SAMMSON: variants seen among roughly 807,000 people sequenced by gnomAD.
The protein encoded by SAMMSON is long intergenic non-protein coding RNA 1212.
chr3:70,374,383 G>A (rs978284482), intron 9 of SAMMSON, among the ~76,000 whole-genome samples: 19 of 152,202 alleles, frequency 1.2e-4, no homozygotes, highest in South Asian at 2.1e-4. Flanking sequence ...ACGATGAGTC[G>A]TCTTTAAACC....
chr3:70,156,676 G>C (rs987966424), intron 4 of SAMMSON, among the ~76,000 whole-genome samples: 3 of 152,108 alleles, frequency 2.0e-5, no homozygotes, highest in African/African-American at 7.2e-5. Flanking sequence ...GTTACTTCCT[G>C]TGATAAAGAC....
At chr3:70,080,670 T>C (rs2067264666) in intron 4 of SAMMSON, among the ~76,000 whole-genome samples, 1 of 151,912 alleles carries the variant, frequency 6.6e-6, no homozygotes, top group Non-Finnish European at 1.5e-5. Context: ...TTACTCTACA[T>C]AATTCTCCAA....
chr3:70,104,206 A>G (rs2067356738), intron 4 of SAMMSON, among the ~76,000 whole-genome samples: 1 of 151,978 alleles, frequency 6.6e-6, no homozygotes, highest in African/African-American at 2.4e-5. Flanking sequence ...CAGGACTTTT[A>G]TATTTGTTAA....
chr3:70,395,353 T>G (rs1237558835), intron 2 of SAMMSON, among the ~76,000 whole-genome samples: 3 of 147,062 alleles, frequency 2.0e-5, no homozygotes, highest in Admixed American at 6.8e-5. Flanking sequence ...TTTTTTTGTG[T>G]TGTTGTTGTT....
At chr3:70,005,112 C>T (rs2066921235) in intron 1 of SAMMSON, among the ~76,000 whole-genome samples, 1 of 152,122 alleles carries the variant, frequency 6.6e-6, no homozygotes, top group South Asian at 2.1e-4. Flanking sequence ...GTTGAAATTT[C>T]ATTGAAGGGA....
chr3:70,052,683 A>T (rs562326438), intron 3 of SAMMSON, among the ~76,000 whole-genome samples: 1 of 152,082 alleles, frequency 6.6e-6, no homozygotes, highest in East Asian at 1.9e-4. Flanking sequence ...CATGATTGAC[A>T]TGTTGGGCTG....
At chr3:70,259,988 A>G (rs537565550) in intron 6 of SAMMSON, among the ~76,000 whole-genome samples, 2 of 152,280 alleles carry the variant, frequency 1.3e-5, no homozygotes, top group East Asian at 3.9e-4. Flanking sequence ...ACTCACTATC[A>G]CGAGAACAGC....
intron 4 of SAMMSON, chr3:70,204,990 T>C (rs1019388362): frequency 6.6e-6 from 1 of 152,134 alleles, no homozygotes; most frequent in Non-Finnish European, 1.5e-5. Flanking sequence ...ATTACCTGTT[T>C]TCTTGACTGG....
chr3:70,345,283 C>T (rs895422113), intron 7 of SAMMSON, among the ~76,000 whole-genome samples: 1 of 152,166 alleles, frequency 6.6e-6, no homozygotes, highest in Non-Finnish European at 1.5e-5. Flanking sequence ...AGCCCATATT[C>T]CCATAGGAAC....
chr3:70,036,584 T>C (rs866422958), intron 3 of SAMMSON, among the ~76,000 whole-genome samples: 3 of 152,192 alleles, frequency 2.0e-5, no homozygotes, highest in Non-Finnish European at 4.4e-5. Context: ...TATGCTCTTA[T>C]TCTTCTACTG....
chr3:70,247,052 T>A (rs903721851), intron 4 of SAMMSON, among the ~76,000 whole-genome samples: 1 of 152,024 alleles, frequency 6.6e-6, no homozygotes, highest in East Asian at 1.9e-4. Flanking sequence ...TAGTTATTTT[T>A]TTTTCTTTAG....
At chr3:70,251,704 T>G (rs1701770599) in intron 6 of SAMMSON, among the ~76,000 whole-genome samples, 1 of 152,182 alleles carries the variant, frequency 6.6e-6, no homozygotes, top group African/African-American at 2.4e-5. Context: ...CCGCAATTAC[T>G]TTTGCCCCAA....
downstream of SAMMSON, among the ~76,000 whole-genome samples, chr3:70,393,414 A>T (rs572172661): frequency 6.6e-6 from 1 of 152,304 alleles, no homozygotes; most frequent in African/African-American, 2.4e-5. Flanking sequence ...TTATTTTACT[A>T]CTTTTCATAA....
intron 3 of SAMMSON, among the ~76,000 whole-genome samples, chr3:70,021,330 A>G (rs1305637956): frequency 6.6e-6 from 1 of 152,202 alleles, no homozygotes; most frequent in Non-Finnish European, 1.5e-5. Flanking sequence ...TTTTCAAGAA[A>G]GAAGCCAGTA....
chr3:70,274,790 C>T (rs939430663), intron 6 of SAMMSON, among the ~76,000 whole-genome samples: 4 of 152,064 alleles, frequency 2.6e-5, no homozygotes, highest in African/African-American at 9.7e-5. Flanking sequence ...AAGGAAACTT[C>T]CAAATTGAAT....
intron 4 of SAMMSON, among the ~76,000 whole-genome samples, chr3:70,171,338 C>T (rs1700945833): frequency 6.6e-6 from 1 of 151,568 alleles, no homozygotes; most frequent in African/African-American, 2.4e-5. Flanking sequence ...CTGGGAGCAC[C>T]TAAGAGTTAT....
chr3:70,262,828 T>C (rs1194515098), intron 6 of SAMMSON, among the ~76,000 whole-genome samples: 1 of 152,186 alleles, frequency 6.6e-6, no homozygotes, highest in South Asian at 2.1e-4. Context: ...TTCAAAACTA[T>C]GTTAGATGAC....
intron 4 of SAMMSON, among the ~76,000 whole-genome samples, chr3:70,077,944 CCTT>C (rs1393113715): frequency 3.9e-5 from 6 of 152,172 alleles, no homozygotes; most frequent in Admixed American, 1.3e-4. Context: ...TGATTTCATT[CCTT>C]CTTCTTCTAC....
downstream of SAMMSON, among the ~76,000 whole-genome samples, chr3:70,391,304 A>G (rs894535726): frequency 1.3e-5 from 2 of 152,162 alleles, no homozygotes; most frequent in African/African-American, 4.8e-5. Context: ...AAAAGGCTCA[A>G]ATGATTGGAG....
Sources: gnomAD v4.1 joint callset for allele counts (sites outside exome capture counted in the v4.1 genomes callset) on GRCh38, gnomAD v4.1.1 for gene constraint, MANE v1.5 for transcripts, NCBI Gene and HGNC (gene_info 2026-07-23, HGNC 2026-07-21) for gene names.